CLEC7A: variants seen among roughly 807,000 people sequenced by gnomAD.
CLEC7A encodes C-type lectin domain containing 7A.
Under a neutral mutation model 26.9 loss-of-function variants are expected in CLEC7A, and 25 were observed. That is an observed-to-expected ratio of 0.93 (90% CI 0.68 to 1.30). CLEC7A has a LOEUF of 1.30. Ranked by LOEUF, CLEC7A falls within the 50% of genes most tolerant of loss-of-function variation. The pLI, the probability that CLEC7A is intolerant of heterozygous loss-of-function variation, is 0.00. For missense variants in CLEC7A, 275 were observed against 286.7 expected, an observed-to-expected ratio of 0.96 and a Z score of 0.29; for synonymous variants, 100 against 99.5, an observed-to-expected ratio of 1.01 and a Z score of -0.03.
In CLEC7A at chr12:10,127,033, C is replaced by T. The variant is rs1027567645; in HGVS notation, c.203-325G>A. 2.2e-6 allele frequency: 3 copies of T among 1,393,756 alleles called. No homozygotes were observed. In the African/African-American group the frequency reaches 4.3e-5, roughly 20 times the overall value. 86.3% of individuals were successfully genotyped at this position (1,393,756 alleles called of 1,614,324 possible). A position where few individuals can be genotyped will look rare whatever the true frequency, so the allele number is the denominator to read the frequency against. On this transcript the variant is annotated intron_variant, in intron 2 of 5. Transcript: ENST00000304084. ...CATGACAGATTTGAAATAGCAACATCTTTCACCTTTCTTCTGTTATTTAAA... is the reference window on the plus strand; with the variant it reads ...CATGACAGATTTGAAATAGCAACATTTTTCACCTTTCTTCTGTTATTTAAA...
intron 5 of CLEC7A, among the ~76,000 whole-genome samples, chr12:10,122,552 G>A (rs1948128222): frequency 6.9e-6 from 1 of 144,442 alleles, no homozygotes; most frequent in Admixed American, 7.0e-5. Flanking sequence ...AGGCTGGAGT[G>A]CAATGGTGCA....
chr12:10,120,836 C>T (rs1395891889), intron 5 of CLEC7A, among the ~76,000 whole-genome samples: 1 of 149,836 alleles, frequency 6.7e-6, no homozygotes. Context: ...CTCACTGCAA[C>T]CTCCGTCTCC....
In CLEC7A at chr12:10,123,334, T is replaced by C; in HGVS notation, c.522A>G (p.Gln174=). 6.2e-7 allele frequency: 1 copy of C among 1,611,176 alleles called. No individual in the cohort carries two copies. The highest frequency in any genetic ancestry group is 2.2e-5 in the East Asian group (1 of 44,864). The change falls in exon 5 of 6, where the codon CAA becomes CAG. Residue 174 remains glutamine (Q), a synonymous_variant. Coordinates refer to ENST00000304084, the MANE Select transcript of CLEC7A (RefSeq NM_197947.3). ...LGFIVKQVSS[Q]PDNSFWIGLS... The stretch of plus-strand genomic sequence containing the variant: ...GGCCTATCCAAAATGAATTATCAGG[T>C]TGGGAAGACACTTGTTTTACTATAA...
rs374225257 is a variant in CLEC7A, at chr12:10,125,466, G to A, written c.341-18C>T. 7 of 1,601,592 alleles carry A rather than the reference G, an allele frequency of 4.4e-6. No individual in the cohort carries two copies. The highest frequency in any genetic ancestry group is 3.4e-5 in the Admixed American group (2 of 58,898). ...AAGAACCCCTGGAAATAAAAGATTAGTACCATGAGGTTCATAGCATACCAA... is the reference window on the plus strand; with the variant it reads ...AAGAACCCCTGGAAATAAAAGATTAATACCATGAGGTTCATAGCATACCAA... On this transcript the variant is annotated intron_variant, in intron 3 of 5. Coordinates refer to ENST00000304084, the MANE Select transcript of CLEC7A (RefSeq NM_197947.3).
At chr12:10,119,198 TTAA>T (rs1347659803) in intron 5 of CLEC7A, among the ~76,000 whole-genome samples, 1 of 152,214 alleles carries the variant, frequency 6.6e-6, no homozygotes, top group Non-Finnish European at 1.5e-5. Flanking sequence ...AGTAGCAGTG[TTAA>T]TGAGTCAAGC....
intron 5 of CLEC7A, among the ~76,000 whole-genome samples, chr12:10,120,726 C>G (rs1261454997): frequency 7.0e-6 from 1 of 143,414 alleles, no homozygotes; most frequent in African/African-American, 2.7e-5. Flanking sequence ...CCGCGCCCGG[C>G]CCAAGGGCTA....
At chr12:10,130,231 T>G, upstream of CLEC7A, 1 of 488,514 alleles carries the variant, frequency 2.0e-6, no homozygotes, top group Non-Finnish European at 3.7e-6. Flanking sequence ...GCTTAAGTAG[T>G]TCAACCAGAT....
At chr12:10,126,124 AT>A (rs1189461551) in intron 3 of CLEC7A, 1 of 950,940 alleles carries the variant, frequency 1.1e-6, no homozygotes, top group African/African-American at 1.8e-5. Flanking sequence ...TATATTTTTA[AT>A]ATAGCTTCCT....
At chr12:10,126,778 C>T in intron 2 of CLEC7A, 70 bp from the exon 3 acceptor site, 1 of 1,236,074 alleles carries the variant, frequency 8.1e-7, no homozygotes, top group South Asian at 1.4e-5. Context: ...ATTAAAATCC[C>T]AAAACCCAAA....
rs1948166845 is a variant in CLEC7A, at chr12:10,123,490, G to C, written c.493-127C>G. On this transcript the variant is annotated intron_variant, in intron 4 of 5. Transcript: ENST00000304084. ...TGGTAAAGAATGCAAGGCCGGGCGC[G>C]GTGGCTCACGCCTGTAATCCCAGCA... is the stretch of plus-strand genomic sequence containing the variant. 1.0e-4 allele frequency: 68 copies of C among 659,368 alleles called. 4 individuals are homozygous for C. In the South Asian group the frequency reaches 1.3e-3, roughly 12 times the overall value. 40.8% of individuals were successfully genotyped at this position (659,368 alleles called of 1,614,324 possible). A position where few individuals can be genotyped will look rare whatever the true frequency, so the allele number is the denominator to read the frequency against.
chr12:10,127,060 A>G, intron 2 of CLEC7A: 1 of 1,394,436 alleles, frequency 7.2e-7, no homozygotes, highest in Non-Finnish European at 9.4e-7. Context: ...TTATTTAAAA[A>G]TGAGAGATCC....
At chr12:10,123,588 C>G (rs1263675210) in intron 4 of CLEC7A, among the ~76,000 whole-genome samples, 1 of 148,436 alleles carries the variant, frequency 6.7e-6, no homozygotes, top group Non-Finnish European at 1.5e-5. Context: ...GGTGAAACCC[C>G]GTCTCTACTA....
rs748416724 is a variant in CLEC7A at position 10,123,394 on chromosome 12, AAGAGAG to A, written c.493-37_493-32del. On this transcript the variant is annotated intron_variant, in intron 4 of 5. Transcript: ENST00000304084. ...ATGAAACATATACAAATATATAATA[AAGAGAG>A]AGAGAGAGAGAGAAAGAAACTATTA... The A allele has an allele frequency of 9.1e-5, 98 of 1,081,962 alleles. 1 individual carries two copies. Among genetic ancestry groups the A allele is most frequent in the Non-Finnish European group, 1.2e-4 (87 of 713,360 alleles). The allele number at this position is 1,081,962 out of a possible 1,614,324, so 67.0% of individuals were successfully genotyped here.
intron 1 of CLEC7A, among the ~76,000 whole-genome samples, chr12:10,128,241 CACACA>C (rs778682531): frequency 3.5e-4 from 50 of 141,104 alleles, no homozygotes; most frequent in Admixed American, 4.2e-4. Flanking sequence ...CACACACACA[CACACA>C]CCACCAACAA....
chr12:10,118,059 C>G lies in CLEC7A; in HGVS notation c.*399G>C, dbSNP rs1300178832. 1.2e-5 allele frequency: 2 copies of G among 169,104 alleles called. No homozygotes were observed. Among genetic ancestry groups the G allele is most frequent in the Non-Finnish European group, 1.3e-5 (1 of 79,554 alleles). 10.5% of individuals were successfully genotyped at this position (169,104 alleles called of 1,614,324 possible). A position where few individuals can be genotyped will look rare whatever the true frequency, so the allele number is the denominator to read the frequency against. ...TCTACAAAAAACACCAAAAATTAGC[C>G]TGGCATGGTGGCATGCACCTGTAGT... On this transcript the variant is annotated 3_prime_UTR_variant, in exon 6 of 6. Transcript: ENST00000304084.
At chr12:10,123,674 T>C (rs911132569) in intron 4 of CLEC7A, among the ~76,000 whole-genome samples, 3 of 137,222 alleles carry the variant, frequency 2.2e-5, no homozygotes, top group Non-Finnish European at 4.5e-5. Flanking sequence ...GGCAGGAGAA[T>C]GGCATGAACC....
intron 4 of CLEC7A, among the ~76,000 whole-genome samples, chr12:10,124,272 C>T (rs1948200070): frequency 6.6e-6 from 1 of 152,154 alleles, no homozygotes; most frequent in South Asian, 2.1e-4. Context: ...ATTATTACTA[C>T]TGGGTAAGAC....
Position 10,117,692 on chromosome 12 carries a change from T to A in CLEC7A, c.*766A>T, listed in dbSNP as rs1947954081. 6.6e-6 allele frequency: 1 copy of A among 152,150 alleles called. No individual in the cohort carries two copies. Among genetic ancestry groups the A allele is most frequent in the African/African-American group, 2.4e-5 (1 of 41,432 alleles). 9.4% of individuals were successfully genotyped at this position (152,150 alleles called of 1,614,324 possible). On this transcript the variant is annotated 3_prime_UTR_variant, in exon 6 of 6. Transcript: ENST00000304084. ...AATAATAAAATTGCTCTGACTGTGG[T>A]GAAGATTTTTTCCCATTTCTTCATT...
Position 10,125,432 on chromosome 12 carries a change from AGGGCT to A in CLEC7A, c.352_356del (p.Ser118LeufsTer4), listed in dbSNP as rs1948248377. 6.2e-7 allele frequency: 1 copy of A among 1,611,700 alleles called. No homozygotes were observed. Among genetic ancestry groups the A allele is most frequent in the Non-Finnish European group, 8.5e-7 (1 of 1,179,526 alleles). ...CATATATAATCCAATTAGGAGGACA[AGGGCT>A]GGAAAGAACCCCTGGAAATAAAAGA... On this transcript the variant is annotated frameshift_variant, in exon 4 of 6. Transcript: ENST00000304084. LOFTEE classifies it high-confidence loss of function.
Sources: gnomAD v4.1 joint callset for allele counts (sites outside exome capture counted in the v4.1 genomes callset) on GRCh38, gnomAD v4.1.1 for gene constraint, MANE v1.5 for transcripts, NCBI Gene and HGNC (gene_info 2026-07-23, HGNC 2026-07-21) for gene names.